CNTN3: variants seen among roughly 807,000 people sequenced by gnomAD.
CNTN3 encodes the protein contactin 3, also known as contactin-3.
In CNTN3, 60 loss-of-function variants were observed where a neutral mutation model predicts 119.1. That is an observed-to-expected ratio of 0.50 (90% CI 0.41 to 0.62). The LOEUF is 0.62. Among genes scored for constraint, CNTN3 ranks in the 20% least tolerant of loss-of-function variants. The pLI, the probability that CNTN3 is intolerant of heterozygous loss-of-function variation, is 0.00. For missense variants in CNTN3, 1,101 were observed against 1,242.4 expected, an observed-to-expected ratio of 0.89 and a Z score of 1.71; for synonymous variants, 450 against 438.7, an observed-to-expected ratio of 1.03 and a Z score of -0.32.
chr3:74,502,915 C>T (rs1419255115), intron 2 of CNTN3, among the ~76,000 whole-genome samples: 2 of 152,100 alleles, frequency 1.3e-5, no homozygotes, highest in African/African-American at 4.8e-5. Context: ...GAATTCATTG[C>T]TGTATACTCA....
intron 5 of CNTN3, among the ~76,000 whole-genome samples, chr3:74,389,594 C>G (rs568792393): frequency 1.3e-5 from 2 of 152,102 alleles, no homozygotes; most frequent in South Asian, 4.1e-4. Context: ...TACTGCACAC[C>G]GACATCTCTT....
intron 4 of CNTN3, among the ~76,000 whole-genome samples, chr3:74,426,260 C>A (rs973517606): frequency 6.6e-6 from 1 of 152,148 alleles, no homozygotes; most frequent in Non-Finnish European, 1.5e-5. Context: ...TCTATGGTGT[C>A]ACTTTCTGTA....
chr3:74,291,225 T>A (rs1320456923), intron 19 of CNTN3, among the ~76,000 whole-genome samples: 1 of 152,204 alleles, frequency 6.6e-6, no homozygotes, highest in Non-Finnish European at 1.5e-5. Context: ...ACAAAGGACA[T>A]GAACTCATCC....
At chr3:74,609,115 G>A (rs548876250) in intron 1 of CNTN3, among the ~76,000 whole-genome samples, 1 of 152,200 alleles carries the variant, frequency 6.6e-6, no homozygotes, top group South Asian at 2.1e-4. Flanking sequence ...GAACACTGAA[G>A]CAGGGCCATG....
At chr3:74,554,243 T>C (rs1295329039) in intron 1 of CNTN3, among the ~76,000 whole-genome samples, 1 of 152,202 alleles carries the variant, frequency 6.6e-6, no homozygotes, top group African/African-American at 2.4e-5. Flanking sequence ...TGTGGTGTTA[T>C]TTCTGAGGCC....
rs117176481 is a variant in CNTN3, at chr3:74,471,413, A to G, written c.358+15043T>C. Among the ~76,000 whole-genome samples, 226 of 152,306 alleles carry G rather than the reference A, an allele frequency of 1.5e-3. 1 individual carries two copies. The East Asian group carries it at 0.022, about 15-fold the overall frequency. On this transcript the variant is annotated intron_variant, in intron 4 of 22. Transcript: ENST00000263665. ...ACTGCATTTTATCATTTTTATCTCA[A>G]GATTTTAAAATCGATTTCTTCCTTA...
At chr3:74,591,969 C>A (rs1010586415) in intron 1 of CNTN3, among the ~76,000 whole-genome samples, 1 of 151,820 alleles carries the variant, frequency 6.6e-6, no homozygotes, top group Non-Finnish European at 1.5e-5. Flanking sequence ...AAATTCAGTC[C>A]AGGCTGAGGC....
intron 1 of CNTN3, among the ~76,000 whole-genome samples, chr3:74,549,791 C>A (rs1703963587): frequency 6.6e-6 from 1 of 152,162 alleles, no homozygotes; most frequent in Non-Finnish European, 1.5e-5. Context: ...TACAACCTGA[C>A]AGACGCTATG....
At chr3:74,296,829 C>T (rs909306728) in intron 18 of CNTN3, among the ~76,000 whole-genome samples, 22 of 150,324 alleles carry the variant, frequency 1.5e-4, no homozygotes, top group African/African-American at 5.1e-4. Flanking sequence ...TAGGTAATGT[C>T]GGGCAAGTAG....
At chr3:74,549,141 G>A (rs1703953985) in intron 1 of CNTN3, among the ~76,000 whole-genome samples, 1 of 152,142 alleles carries the variant, frequency 6.6e-6, no homozygotes, top group African/African-American at 2.4e-5. Flanking sequence ...GGATCATGGG[G>A]GTGGTTTCCA....
chr3:74,394,289 G>A (rs920480245), intron 5 of CNTN3, among the ~76,000 whole-genome samples: 1 of 152,056 alleles, frequency 6.6e-6, no homozygotes, highest in African/African-American at 2.4e-5. Flanking sequence ...TATATAGTGA[G>A]TCTCAATAAA....
chr3:74,567,778 G>C (rs1191241790), intron 1 of CNTN3, among the ~76,000 whole-genome samples: 2 of 152,058 alleles, frequency 1.3e-5, no homozygotes, highest in Non-Finnish European at 2.9e-5. Flanking sequence ...CAATTTGAGG[G>C]GAGTTTTAAG....
intron 13 of CNTN3, among the ~76,000 whole-genome samples, chr3:74,319,525 T>C (rs886754839): frequency 5.3e-5 from 8 of 152,090 alleles, no homozygotes; most frequent in Non-Finnish European, 1.0e-4. Context: ...TCAAGATGGA[T>C]TAAAGACTTA....
chr3:74,419,809 C>T (rs963344354), intron 5 of CNTN3, among the ~76,000 whole-genome samples: 1 of 152,122 alleles, frequency 6.6e-6, no homozygotes, highest in Non-Finnish European at 1.5e-5. Context: ...CTATGAATTC[C>T]TGAGTAATTA....
At chr3:74,610,861 T>C (rs889464278) in intron 1 of CNTN3, among the ~76,000 whole-genome samples, 8 of 152,126 alleles carry the variant, frequency 5.3e-5, no homozygotes, top group African/African-American at 1.9e-4. Context: ...GTTGTACTAG[T>C]TCCCCAAAAT....
chr3:74,501,236 G>A (rs993665108), intron 2 of CNTN3, among the ~76,000 whole-genome samples: 1 of 151,852 alleles, frequency 6.6e-6, no homozygotes, highest in African/African-American at 2.4e-5. Flanking sequence ...AGAAATTTGG[G>A]TCACGTGGTA....
In CNTN3 at chr3:74,480,422, T is replaced by C. The variant is rs190855489; in HGVS notation, c.358+6034A>G. The stretch of plus-strand genomic sequence containing the variant: ...ATAATAATGCAACATCATATTGCTG[T>C]GGTGGTAAGGTGGTGGTAGGAGAGT... On this transcript the variant is annotated intron_variant, in intron 4 of 22. Coordinates refer to ENST00000263665, the MANE Select transcript of CNTN3 (RefSeq NM_020872.3). Among the ~76,000 whole-genome samples, 113 of 152,118 alleles carry C rather than the reference T, an allele frequency of 7.4e-4. 1 individual carries two copies. Among genetic ancestry groups the C allele is most frequent in the Admixed American group, 9.8e-4 (15 of 15,240 alleles).
chr3:74,521,091 A>T lies in CNTN3; in HGVS notation c.22T>A (p.Leu8Met). ...CAGCCAATGAATGAAAGCAGGATCA[A>T]CTGTTTCCATGGAAACATCATCTTT... MMFPWKQ[L>M]ILLSFIGCLG... Residue 8 changes from leucine (L) to methionine (M), a missense_variant, in exon 2 of 23, where the codon TTG becomes ATG. Leu to Met is a conservative substitution (Grantham distance 15). Coordinates refer to ENST00000263665, the MANE Select transcript of CNTN3 (RefSeq NM_020872.3). The T allele has an allele frequency of 6.2e-7, 1 of 1,601,310 alleles. No homozygotes were observed. Among genetic ancestry groups the T allele is most frequent in the Non-Finnish European group, 8.5e-7 (1 of 1,172,974 alleles).
chr3:74,298,285 C>A (rs988491042), intron 17 of CNTN3, 94 bp from the exon 18 acceptor site: 1 of 729,832 alleles, frequency 1.4e-6, no homozygotes, highest in African/African-American at 1.8e-5. Context: ...TTGTAAAAGT[C>A]ATCAAATAAT....
Sources: allele counts gnomAD v4.1 joint callset (sites outside exome capture counted in the v4.1 genomes callset), GRCh38; gene constraint gnomAD v4.1.1; transcripts MANE v1.5; gene names NCBI Gene and HGNC (gene_info 2026-07-23, HGNC 2026-07-21).